CHD2: variants seen among roughly 807,000 people sequenced by gnomAD.
CHD2 encodes the protein chromodomain helicase DNA binding protein 2, also known as ATP-dependent chromatin remodeler CHD2.
A neutral mutation model predicts 243.9 loss-of-function variants in CHD2; 28 were observed. The ratio of observed to expected loss-of-function variants is 0.11; its 90% confidence interval spans 0.09 to 0.16. The LOEUF (loss-of-function observed/expected upper bound fraction) is 0.16. CHD2 is among the 10% of genes least tolerant of loss of function. CHD2 has a pLI of 1.00. For synonymous variants in CHD2, 775 were observed against 779.0 expected (o/e 0.99, Z 0.09); for missense variants, 1,386 against 2,209.8 (o/e 0.63, Z 7.47).
intron 34 of CHD2, among the ~76,000 whole-genome samples, chr15:93,007,579 T>G (rs1385935694): frequency 6.6e-6 from 1 of 152,192 alleles, no homozygotes; most frequent in Non-Finnish European, 1.5e-5. Context: ...TTGTAGAGTT[T>G]TCATTATTTG....
rs2053606898 is a variant in CHD2 at position 92,955,462 on chromosome 15, T to C, written c.1759T>C (p.Leu587=). ...YEWIHSQTKR[L]KFNALITTYE... Reference sequence around the variant, plus strand: ...ATGGATTCATTCCCAAACCAAAAGATTGAAGTTCAACGCACTTATAACAAC... The same window carrying C: ...ATGGATTCATTCCCAAACCAAAAGACTGAAGTTCAACGCACTTATAACAAC... Residue 587 remains leucine, a synonymous_variant, in exon 15 of 39, where the codon TTG becomes CTG. Transcript: ENST00000394196. 8 of 1,598,976 alleles carry C rather than the reference T, an allele frequency of 5.0e-6. No individual in the cohort carries two copies. Among genetic ancestry groups the C allele is most frequent in the Admixed American group, 1.8e-5 (1 of 56,610 alleles).
At chr15:92,908,554 C>G (rs1269409576) in intron 2 of CHD2, among the ~76,000 whole-genome samples, 1 of 152,148 alleles carries the variant, frequency 6.6e-6, no homozygotes, top group Non-Finnish European at 1.5e-5. Context: ...TAAAAGCTCT[C>G]TGTGTTTCAA....
intron 28 of CHD2, among the ~76,000 whole-genome samples, chr15:92,996,733 C>G (rs1419953281): frequency 6.6e-6 from 1 of 152,022 alleles, no homozygotes; most frequent in Non-Finnish European, 1.5e-5. Flanking sequence ...CTATAAACAT[C>G]AGTGAATTAA....
At position 92,978,032 on chromosome 15, in the gene CHD2, T is replaced by C. The variant is rs2053932450; in HGVS notation, c.2578-202T>C. On this transcript the variant is annotated intron_variant, in intron 20 of 38. Coordinates refer to ENST00000394196, the MANE Select transcript of CHD2 (RefSeq NM_001271.4). ...TTAGAGTCTACTCTACTCCTGTTCATGGCACTGACTTTGCCTCTTAATCAA... is the reference window on the plus strand; with the variant it reads ...TTAGAGTCTACTCTACTCCTGTTCACGGCACTGACTTTGCCTCTTAATCAA... The C allele has an allele frequency of 2.2e-5, 13 of 590,352 alleles. No homozygotes were observed. In the South Asian group the frequency reaches 2.5e-4, roughly 11 times the overall value. The allele number at this position is 590,352 out of a possible 1,614,324, so 36.6% of individuals were successfully genotyped here.
At position 93,026,435 on chromosome 15, in the gene CHD2, G is replaced by C. The variant is rs1214374181; in HGVS notation, c.*1730G>C. 3 of 152,294 alleles carry C rather than the reference G, an allele frequency of 2.0e-5. No homozygotes were observed. Among genetic ancestry groups the C allele is most frequent in the Admixed American group, 2.0e-4 (3 of 15,294 alleles). 9.4% of individuals were successfully genotyped at this position (152,294 alleles called of 1,614,324 possible). The stretch of plus-strand genomic sequence containing the variant: ...CTCCCTGCTACACAGAGCATCGCAG[G>C]GCTGGCCTGTGTGGTTTCCAGATGA... On this transcript the variant is annotated 3_prime_UTR_variant, in exon 39 of 39. Coordinates refer to ENST00000394196, the MANE Select transcript of CHD2 (RefSeq NM_001271.4).
At chr15:92,910,994 A>G (rs1303989068) in intron 2 of CHD2, among the ~76,000 whole-genome samples, 1 of 152,172 alleles carries the variant, frequency 6.6e-6, no homozygotes, top group Admixed American at 6.5e-5. Flanking sequence ...TACAATGGTA[A>G]ATATTTGTGT....
At position 92,978,290 on chromosome 15, in the gene CHD2, A is replaced by G. The variant is rs914239234; in HGVS notation, c.2634A>G (p.Ser878=). The G allele has an allele frequency of 7.4e-6, 12 of 1,614,102 alleles. No individual in the cohort carries two copies. The highest frequency in any genetic ancestry group is 1.0e-5 in the Non-Finnish European group (12 of 1,180,040). ...RAGGLGINLA[S]ADTVVIFDSD... is the part of the protein sequence containing the mutation. ...GTGGCCTGGGAATCAATTTGGCTTC[A>G]GCGGACACAGTCGTCATCTTTGACT... Residue 878 remains serine, a synonymous_variant, in exon 21 of 39, where the codon TCA becomes TCG. Transcript: ENST00000394196.
chr15:93,009,699 C>G (rs906170851), intron 35 of CHD2, among the ~76,000 whole-genome samples: 14 of 152,194 alleles, frequency 9.2e-5, no homozygotes, highest in Non-Finnish European at 1.0e-4. Flanking sequence ...TCTAATACAA[C>G]TAATTGGTTG....
At chr15:92,905,038 A>C in intron 2 of CHD2, 1 of 1,513,860 alleles carries the variant, frequency 6.6e-7, no homozygotes, top group Non-Finnish European at 8.8e-7. Context: ...TATATATTTA[A>C]GATTCACAGT....
rs200442290 is a variant in CHD2 at position 92,943,084 on chromosome 15, T to C, written c.1052+16T>C. ...TCAAACAATGGTATATTTTCCATCATGGATTAAAGAAATGTATTTGCAGCC... is the reference window on the plus strand; with the variant it reads ...TCAAACAATGGTATATTTTCCATCACGGATTAAAGAAATGTATTTGCAGCC... On this transcript the variant is annotated intron_variant, in intron 9 of 38. Coordinates refer to ENST00000394196, the MANE Select transcript of CHD2 (RefSeq NM_001271.4). 7.6e-6 allele frequency: 12 copies of C among 1,583,778 alleles called. No individual in the cohort carries two copies. In the African/African-American group the frequency reaches 1.6e-4, roughly 21 times the overall value.
chr15:92,945,924 G>A (rs1484595769), intron 11 of CHD2, 59 bp downstream of exon 11: 5 of 1,477,938 alleles, frequency 3.4e-6, no homozygotes, highest in Admixed American at 2.0e-5. Flanking sequence ...TGTATGTTTT[G>A]CAGATTATTT....
chr15:92,919,123 T>TG (rs2052904092), intron 2 of CHD2, among the ~76,000 whole-genome samples: 1 of 152,008 alleles, frequency 6.6e-6, no homozygotes, highest in African/African-American at 2.4e-5. Context: ...CCCAGAGTGC[T>TG]GGGATTACAG....
chr15:92,929,449 T>C (rs1331391485), intron 5 of CHD2, among the ~76,000 whole-genome samples: 2 of 152,192 alleles, frequency 1.3e-5, no homozygotes, highest in Admixed American at 6.5e-5. Context: ...GGAACAAATG[T>C]AGATTTGCTA....
chr15:92,989,632 T>C (rs990720396), intron 26 of CHD2, among the ~76,000 whole-genome samples: 1 of 152,228 alleles, frequency 6.6e-6, no homozygotes, highest in Non-Finnish European at 1.5e-5. Flanking sequence ...CCAGCCTTTG[T>C]TGAAGGGCTG....
chr15:92,988,682 C>T (rs2141855945), intron 26 of CHD2, among the ~76,000 whole-genome samples: 1 of 152,148 alleles, frequency 6.6e-6, no homozygotes, highest in East Asian at 1.9e-4. Flanking sequence ...GTGGGATAAT[C>T]TCAATTGGCC....
chr15:92,963,026 A>G lies in CHD2; in HGVS notation c.2001-4299A>G, dbSNP rs143792524. 4.7e-3 allele frequency among the ~76,000 whole-genome samples: 720 copies of G among 152,310 alleles called. 9 individuals carry two copies. The highest frequency in any genetic ancestry group is 0.017 in the African/African-American group (693 of 41,580). On this transcript the variant is annotated intron_variant, in intron 16 of 38. Transcript: ENST00000394196. ...TCGAACTGGTTACCATTTGCATGGTATACTGTTTTCCATCATTTTACTTTC... is the reference window on the plus strand; with the variant it reads ...TCGAACTGGTTACCATTTGCATGGTGTACTGTTTTCCATCATTTTACTTTC...
chr15:92,906,329 A>C (rs1358925483), intron 2 of CHD2, among the ~76,000 whole-genome samples: 1 of 152,188 alleles, frequency 6.6e-6, no homozygotes, highest in Non-Finnish European at 1.5e-5. Context: ...GGGAGTTAGT[A>C]TCTTTGTAAA....
rs2053887377 is a variant in CHD2, at chr15:92,974,869, A to AT, written c.2506-5dup. On this transcript the variant is annotated splice_polypyrimidine_tract_variant and intron_variant, in intron 19 of 38. Transcript: ENST00000394196. The stretch of plus-strand genomic sequence containing the variant: ...CTATCTTACAGTTTTCTTGTGGTTT[A>AT]TTTTTACAGCGTCTGGATGGTTCCA... 6.2e-7 allele frequency: 1 copy of AT among 1,613,016 alleles called. No individual in the cohort carries two copies. Among genetic ancestry groups the AT allele is most frequent in the Non-Finnish European group, 8.5e-7 (1 of 1,179,292 alleles).
intron 32 of CHD2, 54 bp from the exon 33 acceptor site, chr15:93,002,123 A>C (rs956634619): frequency 3.2e-6 from 5 of 1,559,488 alleles, no homozygotes; most frequent in Non-Finnish European, 4.3e-6. Flanking sequence ...CAGAAAGTAC[A>C]TAAGTAGATA....
Sources: allele counts gnomAD v4.1 joint callset (sites outside exome capture counted in the v4.1 genomes callset), GRCh38; gene constraint gnomAD v4.1.1; transcripts MANE v1.5; gene names NCBI Gene and HGNC (gene_info 2026-07-23, HGNC 2026-07-21).